The following B4GALNT2 variants were observed in gnomAD, a reference collection of about 807,000 sequenced individuals.
The protein encoded by B4GALNT2 is N-acetylneuraminylgalactosylglucosyl-glucoside beta-1,4-N- acetylgalactosaminyltransferase 2.
A neutral mutation model predicts 51.1 loss-of-function variants in B4GALNT2; 42 were observed. The ratio of observed to expected loss-of-function variants is 0.82; its 90% confidence interval spans 0.64 to 1.06. B4GALNT2 has a LOEUF of 1.06. Ranked by LOEUF, B4GALNT2 falls within the 50% of genes least tolerant of loss-of-function variation. The pLI is 0.00. For missense variants in B4GALNT2, 602 were observed against 633.6 expected (o/e 0.95, Z 0.54); for synonymous variants, 253 against 251.7 (o/e 1.01, Z -0.05).
intron 1 of B4GALNT2, among the ~76,000 whole-genome samples, chr17:49,138,156 A>G (rs1158399479): frequency 1.3e-5 from 2 of 152,182 alleles, no homozygotes; most frequent in Admixed American, 1.3e-4. Flanking sequence ...ATCTCTCTAA[A>G]TTTCCTATAT....
chr17:49,137,458 G>C (rs149068064), intron 1 of B4GALNT2, among the ~76,000 whole-genome samples: 2 of 152,166 alleles, frequency 1.3e-5, no homozygotes, highest in Non-Finnish European at 2.9e-5. Flanking sequence ...TTCCACCATG[G>C]GATGATGCAG....
intron 3 of B4GALNT2, among the ~76,000 whole-genome samples, chr17:49,144,943 A>G (rs901823100): frequency 6.6e-6 from 1 of 152,144 alleles, no homozygotes; most frequent in Non-Finnish European, 1.5e-5. Flanking sequence ...AGCACTGGAG[A>G]AAGATGTAGG....
chr17:49,143,326 G>A (rs1408068094), intron 3 of B4GALNT2, among the ~76,000 whole-genome samples: 1 of 126,674 alleles, frequency 7.9e-6, no homozygotes, highest in Non-Finnish European at 1.7e-5. Flanking sequence ...CAAGAAAAGG[G>A]CTGAACTTGA....
chr17:49,143,334 T>C (rs914437275), intron 3 of B4GALNT2, among the ~76,000 whole-genome samples: 1 of 151,038 alleles, frequency 6.6e-6, no homozygotes, highest in Non-Finnish European at 1.5e-5. Flanking sequence ...GGGCTGAACT[T>C]GATTCTGCCT....
chr17:49,140,319 C>G (rs529857988), intron 1 of B4GALNT2, among the ~76,000 whole-genome samples: 1 of 152,190 alleles, frequency 6.6e-6, no homozygotes, highest in South Asian at 2.1e-4. Context: ...CCAGGATGGT[C>G]TCGATCTCCT....
chr17:49,135,343 C>G (rs942690100), intron 1 of B4GALNT2, among the ~76,000 whole-genome samples: 1 of 151,286 alleles, frequency 6.6e-6, no homozygotes, highest in African/African-American at 2.4e-5. Flanking sequence ...TATAGCTATC[C>G]TTCTTTTTTT....
chr17:49,150,719 C>T (rs867168737), intron 3 of B4GALNT2, among the ~76,000 whole-genome samples: 15 of 150,856 alleles, frequency 9.9e-5, no homozygotes, highest in Admixed American at 2.0e-4. Context: ...AGATGCTTGA[C>T]GGCAGCATGC....
intron 1 of B4GALNT2, among the ~76,000 whole-genome samples, chr17:49,134,094 T>C (rs2042568346): frequency 6.6e-6 from 1 of 152,040 alleles, no homozygotes; most frequent in Non-Finnish European, 1.5e-5. Context: ...CCTTCATGGG[T>C]GACTGAAAAG....
intron 3 of B4GALNT2, among the ~76,000 whole-genome samples, chr17:49,145,864 G>C (rs539296733): frequency 6.6e-6 from 1 of 152,268 alleles, no homozygotes; most frequent in African/African-American, 2.4e-5. Context: ...TTGACATAAA[G>C]GTAGGAGGAG....
At position 49,159,171 on chromosome 17, in the gene B4GALNT2, C is replaced by T. The variant is rs200502885; in HGVS notation, c.633C>T (p.His211=). 2.6e-4 allele frequency: 426 copies of T among 1,614,156 alleles called. 3 individuals carry two copies. In the South Asian group the frequency reaches 3.7e-3, roughly 14 times the overall value. The change falls in exon 6 of 11, where the codon CAC becomes CAT. Residue 211 remains histidine, a synonymous_variant. Coordinates refer to ENST00000393354, the MANE Select transcript of B4GALNT2 (RefSeq NM_001159387.2). ...DRKLLKFILQ[H]VTYTSTGYQH... is the part of the protein sequence containing the mutation. Reference sequence around the variant, plus strand: ...AGCTGTTGAAGTTCATTCTTCAGCACGTGACATACACCAGCACGGGGTACC... The same window carrying T: ...AGCTGTTGAAGTTCATTCTTCAGCATGTGACATACACCAGCACGGGGTACC...
intron 4 of B4GALNT2, among the ~76,000 whole-genome samples, chr17:49,154,028 C>A (rs529321196): frequency 7.1e-6 from 1 of 141,494 alleles, no homozygotes; most frequent in African/African-American, 2.8e-5. Flanking sequence ...TTTTTGGGGA[C>A]GGAGTCTTGC....
At chr17:49,150,252 G>C (rs1444156706) in intron 3 of B4GALNT2, among the ~76,000 whole-genome samples, 2 of 142,708 alleles carry the variant, frequency 1.4e-5, no homozygotes, top group Admixed American at 6.9e-5. Context: ...GAGGTGGGGG[G>C]GTCAGCCCCC....
intron 6 of B4GALNT2, among the ~76,000 whole-genome samples, chr17:49,159,862 G>T (rs1032109118): frequency 1.3e-5 from 2 of 152,068 alleles, no homozygotes; most frequent in Non-Finnish European, 2.9e-5. Flanking sequence ...CACTGCAGTA[G>T]AGGAGGGAGC....
At chr17:49,127,639 A>T (rs202168126), upstream of B4GALNT2, among the ~76,000 whole-genome samples, 77,137 of 151,410 alleles carry the variant, frequency 0.51, 19,952 homozygotes, top group Middle Eastern at 0.63. Flanking sequence ...ATAAGATTTA[A>T]AAAAAAAAAT....
At position 49,142,123 on chromosome 17, in the gene B4GALNT2, C is replaced by G. The variant is rs2042650023; in HGVS notation, c.304C>G (p.Pro102Ala). 1 of 1,613,968 alleles carries G rather than the reference C, an allele frequency of 6.2e-7. No homozygotes were observed. The highest frequency in any genetic ancestry group is 1.7e-5 in the Admixed American group (1 of 59,982). The change falls in exon 3 of 11, where the codon CCA (proline) becomes GCA (alanine). Residue 102 changes from proline to alanine, a missense_variant. Transcript: ENST00000393354. ...FQDAYGQSDL[P>A]AVKARRQAEF... ...GGATGCCTATGGCCAGAGCGACCTC[C>G]CAGCGGTGAAAGCGAGGAGACAGGC...
At chr17:49,148,603 C>A in intron 3 of B4GALNT2, 1 of 488,226 alleles carries the variant, frequency 2.0e-6, no homozygotes, top group South Asian at 1.9e-5. Flanking sequence ...GTAAGGTACG[C>A]GTAGAAATGT....
At chr17:49,161,274 TG>T (rs2042862330) in intron 7 of B4GALNT2, among the ~76,000 whole-genome samples, 1 of 17,156 alleles carries the variant, frequency 5.8e-5, no homozygotes. Flanking sequence ...GACTCTGTCT[TG>T]AAAAAAAAAA....
chr17:49,133,187 G>A, intron 1 of B4GALNT2: 1 of 1,509,374 alleles, frequency 6.6e-7, no homozygotes, highest in Non-Finnish European at 8.8e-7. Context: ...CCTGGGGCCC[G>A]TTTGCTGCCC....
rs984770629 is a variant in B4GALNT2, at chr17:49,172,711, A to C, written c.*2983A>C. ...GAGCTTGGCTAGTACAGCCTGGGGC[A>C]TTATCTGTTTTAATAGAAGCTGGAA... On this transcript the variant is annotated 3_prime_UTR_variant, in exon 11 of 11. Coordinates refer to ENST00000393354, the MANE Select transcript of B4GALNT2 (RefSeq NM_001159387.2). The C allele has an allele frequency of 2.0e-5, 3 of 152,228 alleles. No homozygotes were observed. The highest frequency in any genetic ancestry group is 1.3e-4 in the Admixed American group (2 of 15,258). 9.4% of individuals were successfully genotyped at this position (152,228 alleles called of 1,614,324 possible).
Sources: gnomAD v4.1 joint callset for allele counts (sites outside exome capture counted in the v4.1 genomes callset) on GRCh38, gnomAD v4.1.1 for gene constraint, MANE v1.5 for transcripts, NCBI Gene and HGNC (gene_info 2026-07-23, HGNC 2026-07-21) for gene names.